The following CDC42BPA variants were observed in gnomAD, a reference collection of about 807,000 sequenced individuals.
The protein encoded by CDC42BPA is CDC42 binding protein kinase alpha, also known as serine/threonine-protein kinase MRCK alpha.
Under a neutral mutation model 223.5 loss-of-function variants are expected in CDC42BPA, and 80 were observed. That is an observed-to-expected ratio of 0.36 (90% CI 0.30 to 0.43). CDC42BPA has a LOEUF of 0.43. Ranked by LOEUF, CDC42BPA falls within the 20% of genes least tolerant of loss-of-function variation. The pLI, the probability that CDC42BPA is intolerant of heterozygous loss-of-function variation, is 1.00. For missense variants in CDC42BPA, 1,743 were observed against 2,099.9 expected (o/e 0.83, Z 3.32); for synonymous variants, 694 against 718.6 (o/e 0.97, Z 0.55).
At chr1:227,193,063 CTTTTTTTT>C (rs1160548241) in intron 5 of CDC42BPA, among the ~76,000 whole-genome samples, 2 of 117,032 alleles carry the variant, frequency 1.7e-5, no homozygotes, top group Non-Finnish European at 1.7e-5. Context: ...GAAGTGAGAA[CTTTTTTTT>C]TTTTTTTTTT....
chr1:227,184,674 A>G (rs1163799222), intron 5 of CDC42BPA, among the ~76,000 whole-genome samples: 1 of 152,182 alleles, frequency 6.6e-6, no homozygotes, highest in Non-Finnish European at 1.5e-5. Flanking sequence ...TATAAAATTT[A>G]AAATAAGCTT....
At chr1:227,178,666 TG>T (rs1190467132) in intron 5 of CDC42BPA, among the ~76,000 whole-genome samples, 1 of 152,164 alleles carries the variant, frequency 6.6e-6, no homozygotes, top group African/African-American at 2.4e-5. Context: ...CAGCTAATGT[TG>T]TATTTTTAGT....
intron 1 of CDC42BPA, among the ~76,000 whole-genome samples, chr1:227,263,461 T>C (rs1225160548): frequency 6.6e-6 from 1 of 152,194 alleles, no homozygotes; most frequent in African/African-American, 2.4e-5. Context: ...ATAGTGGTCA[T>C]GATCAGGGAA....
At chr1:227,025,566 T>C (rs984353633) in intron 31 of CDC42BPA, among the ~76,000 whole-genome samples, 3 of 152,220 alleles carry the variant, frequency 2.0e-5, no homozygotes, top group African/African-American at 7.2e-5. Context: ...CAGGATTATA[T>C]ATTAAGAAAA....
At chr1:227,258,826 A>G (rs866607999) in intron 1 of CDC42BPA, among the ~76,000 whole-genome samples, 2 of 150,792 alleles carry the variant, frequency 1.3e-5, no homozygotes, top group African/African-American at 2.5e-5. Context: ...TTTCAAGCAC[A>G]CTCTATGATT....
intron 2 of CDC42BPA, among the ~76,000 whole-genome samples, chr1:227,236,165 T>C (rs1440692142): frequency 2.6e-5 from 4 of 152,202 alleles, no homozygotes; most frequent in African/African-American, 9.7e-5. Context: ...AGACTATATA[T>C]CCCAACAGAC....
At chr1:227,207,453 G>A (rs1672985686) in intron 3 of CDC42BPA, among the ~76,000 whole-genome samples, 1 of 145,384 alleles carries the variant, frequency 6.9e-6, no homozygotes. Context: ...CCATGCTGGT[G>A]CGCTGCACCC....
chr1:227,231,744 G>A (rs1194454962), intron 2 of CDC42BPA, among the ~76,000 whole-genome samples: 3 of 151,978 alleles, frequency 2.0e-5, no homozygotes, highest in Non-Finnish European at 4.4e-5. Flanking sequence ...GTGATGATGA[G>A]CATTTTTTCA....
intron 1 of CDC42BPA, among the ~76,000 whole-genome samples, chr1:227,268,810 C>G (rs1337172513): frequency 6.6e-6 from 1 of 151,718 alleles, no homozygotes; most frequent in Non-Finnish European, 1.5e-5. Flanking sequence ...CTCAGCCTCC[C>G]AAGTAGCTGC....
intron 1 of CDC42BPA, among the ~76,000 whole-genome samples, chr1:227,267,423 C>T (rs144577701): frequency 3.9e-5 from 6 of 152,176 alleles, no homozygotes; most frequent in Admixed American, 1.3e-4. Context: ...TGTTTGCTGG[C>T]CCTTAAGCAT....
In CDC42BPA at chr1:227,031,081, GA is replaced by G. The variant is rs984571155; in HGVS notation, c.3775+216del. ...ATGCTTAGCACTGTTGTTTTTTCAGGAAAAAAAAGGCACTTTGAAAGTGTAT... is the reference window on the plus strand; with the variant it reads ...ATGCTTAGCACTGTTGTTTTTTCAGGAAAAAAAGGCACTTTGAAAGTGTAT... On this transcript the variant is annotated intron_variant, in intron 28 of 36. Coordinates refer to ENST00000366766, the MANE Select transcript of CDC42BPA (RefSeq NM_001394014.1). Among the ~76,000 whole-genome samples, 13 of 151,282 alleles carry G rather than the reference GA, an allele frequency of 8.6e-5. No homozygotes were observed. The East Asian group carries it at 1.4e-3, about 16-fold the overall frequency.
intron 26 of CDC42BPA, 79 bp downstream of exon 26, chr1:227,034,576 C>T: frequency 7.6e-7 from 1 of 1,313,526 alleles, no homozygotes; most frequent in Non-Finnish European, 1.0e-6. Flanking sequence ...TAAACCATGG[C>T]AACACAATTT....
intron 5 of CDC42BPA, among the ~76,000 whole-genome samples, chr1:227,163,122 T>C (rs1193738014): frequency 4.6e-5 from 4 of 86,208 alleles, no homozygotes; most frequent in Non-Finnish European, 1.0e-4. Context: ...GTGTGTATGT[T>C]TCCAAACATA....
At position 227,115,872 on chromosome 1, in the gene CDC42BPA, GA is replaced by G. The variant is rs201721780; in HGVS notation, c.1648-2960del. Among the ~76,000 whole-genome samples, 414 of 144,626 alleles carry G rather than the reference GA, an allele frequency of 2.9e-3. 9 individuals are homozygous for G. In the East Asian group the frequency reaches 0.048, roughly 17 times the overall value. 94.9% of individuals were successfully genotyped at this position (144,626 alleles called of 152,430 possible). A position where few individuals can be genotyped will look rare whatever the true frequency, so the allele number is the denominator to read the frequency against. On this transcript the variant is annotated intron_variant, in intron 12 of 36. Coordinates refer to ENST00000366766, the MANE Select transcript of CDC42BPA (RefSeq NM_001394014.1). ...CTGAATATCAAAAAAAAGAAAAGAG[GA>G]AAAAAAAAAACACGTCAATCTCACT...
At chr1:227,201,576 T>C (rs1354026899) in intron 3 of CDC42BPA, among the ~76,000 whole-genome samples, 2 of 152,214 alleles carry the variant, frequency 1.3e-5, no homozygotes, top group Non-Finnish European at 2.9e-5. Context: ...CATAGTTTCA[T>C]TGCCCAATTG....
At chr1:227,313,905 T>C (rs200514484) in intron 1 of CDC42BPA, among the ~76,000 whole-genome samples, 24 of 152,280 alleles carry the variant, frequency 1.6e-4, no homozygotes, top group Middle Eastern at 3.4e-3. Context: ...ATTAGTTATT[T>C]AGTGATAATT....
intron 21 of CDC42BPA, among the ~76,000 whole-genome samples, chr1:227,059,688 C>G (rs11589465): frequency 6.6e-6 from 1 of 152,108 alleles, no homozygotes; most frequent in Admixed American, 6.5e-5. Flanking sequence ...AATTTCTTTT[C>G]TGGAAAGGTT....
intron 21 of CDC42BPA, among the ~76,000 whole-genome samples, chr1:227,053,655 G>GT (rs758119377): frequency 1.9e-4 from 29 of 152,210 alleles, no homozygotes; most frequent in Admixed American, 1.0e-3. Flanking sequence ...CCACAGCAGA[G>GT]TAATTTACTC....
intron 14 of CDC42BPA, among the ~76,000 whole-genome samples, chr1:227,102,757 A>G (rs2149324373): frequency 6.6e-6 from 1 of 152,270 alleles, no homozygotes; most frequent in South Asian, 2.1e-4. Flanking sequence ...TTTATTGCAG[A>G]CACCGAAGAT....
Sources: allele counts gnomAD v4.1 joint callset (sites outside exome capture counted in the v4.1 genomes callset), GRCh38; gene constraint gnomAD v4.1.1; transcripts MANE v1.5; gene names NCBI Gene and HGNC (gene_info 2026-07-23, HGNC 2026-07-21).